Variants in HS3ST4 observed in about 807,000 individuals in gnomAD.
HS3ST4 encodes the protein heparan sulfate glucosamine 3-O-sulfotransferase 4.
In HS3ST4, 17 loss-of-function variants were observed where a neutral mutation model predicts 29.2. The observed-to-expected ratio is 0.58, with a 90% CI of 0.40 to 0.87. The LOEUF is 0.87. HS3ST4 is among the 40% of genes least tolerant of loss of function. The pLI is 0.00. For missense variants in HS3ST4, 627 were observed against 634.5 expected (o/e 0.99, Z 0.13); for synonymous variants, 314 against 285.7 (o/e 1.10, Z -1.00).
intron 1 of HS3ST4, among the ~76,000 whole-genome samples, chr16:25,907,692 G>T (rs1968193117): frequency 6.6e-6 from 1 of 152,078 alleles, no homozygotes; most frequent in Non-Finnish European, 1.5e-5. Context: ...TGTTCCTTCG[G>T]CACCCGGGCC....
chr16:25,799,671 ACT>A (rs1966912153), intron 1 of HS3ST4, among the ~76,000 whole-genome samples: 1 of 151,774 alleles, frequency 6.6e-6, no homozygotes, highest in African/African-American at 2.4e-5. Flanking sequence ...TATGATTGAG[ACT>A]CTCACATGTT....
At chr16:25,850,428 T>C (rs1014920549) in intron 1 of HS3ST4, among the ~76,000 whole-genome samples, 4 of 152,190 alleles carry the variant, frequency 2.6e-5, no homozygotes, top group Admixed American at 6.5e-5. Flanking sequence ...TAACCTCTTA[T>C]GTGAAACTTT....
intron 1 of HS3ST4, among the ~76,000 whole-genome samples, chr16:25,791,883 A>T (rs946082898): frequency 1.3e-5 from 2 of 151,966 alleles, no homozygotes; most frequent in African/African-American, 4.8e-5. Flanking sequence ...ATGGCACCAT[A>T]GGTCTGATAT....
In HS3ST4 at chr16:25,786,087, C is replaced by T. The variant is rs147244215; in HGVS notation, c.734+92936C>T. ...ATGAATAATACTGTTTCCTGAATTC[C>T]GGGCTGAGCAGCGCAATGGAAAATT... On this transcript the variant is annotated intron_variant, in intron 1 of 1. Coordinates refer to ENST00000331351, the MANE Select transcript of HS3ST4 (RefSeq NM_006040.3). Among the ~76,000 whole-genome samples the T allele has an allele frequency of 1.2e-4, 18 of 152,082 alleles. No homozygotes were observed. In the East Asian group the frequency reaches 2.5e-3, roughly 21 times the overall value.
intron 1 of HS3ST4, among the ~76,000 whole-genome samples, chr16:26,021,700 C>T (rs564376362): frequency 8.5e-5 from 13 of 152,100 alleles, no homozygotes; most frequent in African/African-American, 2.4e-4. Context: ...AGTCTAGTTC[C>T]GTCACCAGGC....
intron 1 of HS3ST4, among the ~76,000 whole-genome samples, chr16:26,054,271 A>G (rs539112080): frequency 2.3e-4 from 28 of 124,254 alleles, no homozygotes; most frequent in South Asian, 1.7e-3. Flanking sequence ...AGAGAGAGGG[A>G]GAGAGAGAGA....
At chr16:25,999,902 T>TATATTATATATATATTTTTATATA (rs1969198103) in intron 1 of HS3ST4, among the ~76,000 whole-genome samples, 1 of 139,728 alleles carries the variant, frequency 7.2e-6, no homozygotes, top group East Asian at 2.0e-4. Flanking sequence ...ATATTTTATA[T>TATATTATATATATATTTTTATATA]ATATATATAT....
intron 1 of HS3ST4, among the ~76,000 whole-genome samples, chr16:25,917,897 C>G (rs1331935331): frequency 6.6e-6 from 1 of 152,122 alleles, no homozygotes; most frequent in African/African-American, 2.4e-5. Flanking sequence ...AAACAAACAG[C>G]TAAGAAACAG....
At chr16:25,826,962 G>A (rs1458128749) in intron 1 of HS3ST4, among the ~76,000 whole-genome samples, 2 of 152,032 alleles carry the variant, frequency 1.3e-5, no homozygotes, top group African/African-American at 2.4e-5. Flanking sequence ...GCCTTTGTTT[G>A]CAAGTAACAG....
chr16:25,920,837 C>T (rs1034627878), intron 1 of HS3ST4, among the ~76,000 whole-genome samples: 1 of 152,132 alleles, frequency 6.6e-6, no homozygotes, highest in Middle Eastern at 3.4e-3. Context: ...AGGCTGGTCT[C>T]GAACTCCTGA....
intron 1 of HS3ST4, among the ~76,000 whole-genome samples, chr16:25,845,303 G>A (rs1228810356): frequency 6.6e-6 from 1 of 152,180 alleles, no homozygotes; most frequent in Non-Finnish European, 1.5e-5. Flanking sequence ...GAGGTCAGGA[G>A]TTTAAGACCA....
rs77436139 is a variant in HS3ST4, at chr16:26,113,320, C to T, written c.735-22292C>T. On this transcript the variant is annotated intron_variant, in intron 1 of 1. Transcript: ENST00000331351. ...ATTTAGCTGGGTGTAGCGGCGGGCACCTGTAATCCCAGCTACTTGGGAGGC... is the reference window on the plus strand; with the variant it reads ...ATTTAGCTGGGTGTAGCGGCGGGCATCTGTAATCCCAGCTACTTGGGAGGC... Among the ~76,000 whole-genome samples the T allele has an allele frequency of 3.3e-5, 5 of 151,866 alleles. No individual in the cohort carries two copies. The East Asian group carries it at 9.7e-4, about 29-fold the overall frequency.
chr16:26,086,958 TCTC>T, intron 1 of HS3ST4, among the ~76,000 whole-genome samples: 2 of 152,290 alleles, frequency 1.3e-5, no homozygotes, highest in African/African-American at 4.8e-5. Context: ...TTCTTTCTCT[TCTC>T]CTCCACTTCT....
chr16:25,997,704 T>C (rs1333829810), intron 1 of HS3ST4, among the ~76,000 whole-genome samples: 1 of 152,162 alleles, frequency 6.6e-6, no homozygotes, highest in Non-Finnish European at 1.5e-5. Flanking sequence ...GAACCTAAAA[T>C]CAAATTAGTC....
intron 1 of HS3ST4, among the ~76,000 whole-genome samples, chr16:26,083,906 A>G (rs775421812): frequency 1.3e-5 from 2 of 152,242 alleles, no homozygotes; most frequent in Non-Finnish European, 2.9e-5. Context: ...AAGAAGCCCA[A>G]AGCAGCCTTG....
chr16:25,896,315 C>T (rs34834688), intron 1 of HS3ST4, among the ~76,000 whole-genome samples: 34,036 of 152,030 alleles, frequency 0.22, 4,370 homozygotes, highest in African/African-American at 0.36. Flanking sequence ...TAGGCTTCCT[C>T]AAATATTAAC....
intron 1 of HS3ST4, among the ~76,000 whole-genome samples, chr16:25,699,482 G>A (rs865911058): frequency 3.3e-5 from 5 of 152,128 alleles, no homozygotes; most frequent in African/African-American, 7.2e-5. Context: ...GATCTATATC[G>A]ATAACTTGCA....
At chr16:26,124,166 C>T (rs1032594213) in intron 1 of HS3ST4, among the ~76,000 whole-genome samples, 10 of 152,170 alleles carry the variant, frequency 6.6e-5, no homozygotes, top group Non-Finnish European at 1.0e-4. Flanking sequence ...GTGATCCACC[C>T]GCCTCGGCCT....
chr16:25,808,914 A>G (rs1388486253), intron 1 of HS3ST4, among the ~76,000 whole-genome samples: 1 of 152,176 alleles, frequency 6.6e-6, no homozygotes, highest in Non-Finnish European at 1.5e-5. Context: ...GCCCATTGTT[A>G]GTATATAGAC....
Sources: gnomAD v4.1 joint callset for allele counts (sites outside exome capture counted in the v4.1 genomes callset) on GRCh38, gnomAD v4.1.1 for gene constraint, MANE v1.5 for transcripts, NCBI Gene and HGNC (gene_info 2026-07-23, HGNC 2026-07-21) for gene names.